The following CTDSPL variants were observed in gnomAD, a reference collection of about 807,000 sequenced individuals.
CTDSPL encodes CTD small phosphatase-like protein.
In CTDSPL, 8 loss-of-function variants were observed where a neutral mutation model predicts 30.5. That is an observed-to-expected ratio of 0.26 (90% CI 0.15 to 0.47). CTDSPL has a LOEUF of 0.47. Ranked by LOEUF, CTDSPL falls within the 20% of genes least tolerant of loss-of-function variation. CTDSPL has a pLI of 0.99. For missense variants in CTDSPL, 248 were observed against 366.1 expected, an observed-to-expected ratio of 0.68 and a Z score of 2.63; for synonymous variants, 110 against 137.9, an observed-to-expected ratio of 0.80 and a Z score of 1.42.
intron 1 of CTDSPL, among the ~76,000 whole-genome samples, chr3:37,890,389 A>G (rs1351996681): frequency 6.6e-6 from 1 of 152,208 alleles, no homozygotes; most frequent in Non-Finnish European, 1.5e-5. Flanking sequence ...GGTGCAAAAG[A>G]GCTAAAATGT....
rs939628598 is a variant in CTDSPL at position 37,862,109 on chromosome 3, C to A, written c.-91C>A. ...CAGGCAGCGGCTGCGAGCGCCCCCC[C>A]GCGCCGCGCCCCCGCGCCCCCCGCG... is the stretch of plus-strand genomic sequence containing the variant. On this transcript the variant is annotated 5_prime_UTR_variant, in exon 1 of 8. Coordinates refer to ENST00000273179, the MANE Select transcript of CTDSPL (RefSeq NM_001008392.2). The surrounding 1 kb of genome is among the most constrained non-coding windows in gnomAD (Gnocchi z 4.3). The A allele has an allele frequency of 4.7e-5, 19 of 401,118 alleles. No homozygotes were observed. The highest frequency in any genetic ancestry group is 6.3e-5 in the Non-Finnish European group (19 of 301,452). The allele number at this position is 401,118 out of a possible 1,614,324, so 24.8% of individuals were successfully genotyped here. A position where few individuals can be genotyped will look rare whatever the true frequency, so the allele number is the denominator to read the frequency against.
intron 1 of CTDSPL, among the ~76,000 whole-genome samples, chr3:37,912,984 T>C (rs1698600434): frequency 6.6e-6 from 1 of 152,206 alleles, no homozygotes; most frequent in South Asian, 2.1e-4. Context: ...CTCAGAGATC[T>C]TAGATAGTTT....
At chr3:37,926,302 G>A (rs1368606213) in intron 1 of CTDSPL, among the ~76,000 whole-genome samples, 1 of 152,222 alleles carries the variant, frequency 6.6e-6, no homozygotes, top group Non-Finnish European at 1.5e-5. Flanking sequence ...GGGAACTGAG[G>A]GCAACAGCTA....
At chr3:37,980,636 C>T in intron 7 of CTDSPL, 106 bp from the exon 8 acceptor site, 6 of 1,408,586 alleles carry the variant, frequency 4.3e-6, no homozygotes, top group South Asian at 1.3e-5. Context: ...TGACACCAGT[C>T]GTCCTTACTA....
Position 37,862,256 on chromosome 3 carries a change from G to T in CTDSPL, c.57G>T (p.Arg19=). The T allele has an allele frequency of 6.7e-7, 1 of 1,495,344 alleles. No homozygotes were observed. Among genetic ancestry groups the T allele is most frequent in the Non-Finnish European group, 8.9e-7 (1 of 1,125,782 alleles). 92.6% of individuals were successfully genotyped at this position (1,495,344 alleles called of 1,614,324 possible). A position where few individuals can be genotyped will look rare whatever the true frequency, so the allele number is the denominator to read the frequency against. The change falls in exon 1 of 8, where the codon CGG becomes CGT. Residue 19 remains arginine (R), a synonymous_variant. Transcript: ENST00000273179. This position sits in a 1 kb window ranked among gnomAD's most constrained non-coding sequence, Gnocchi z 4.3. ...QVTNPKEDEG[R]LPGAGEKASQ... ...CCAACCCCAAGGAGGACGAGGGCCG[G>T]TTGCCGGGCGCGGGCGAGAAAGGTG...
intron 1 of CTDSPL, among the ~76,000 whole-genome samples, chr3:37,895,637 ACTGT>A (rs1698382525): frequency 1.3e-5 from 2 of 152,220 alleles, no homozygotes; most frequent in Non-Finnish European, 2.9e-5. Flanking sequence ...AAATCTGCTT[ACTGT>A]CTATCTTTTT....
chr3:37,963,960 G>A (rs999580659), intron 3 of CTDSPL, among the ~76,000 whole-genome samples: 2 of 147,094 alleles, frequency 1.4e-5, no homozygotes, highest in Non-Finnish European at 3.0e-5. Flanking sequence ...CCTAGTGTTG[G>A]GGGTAACTCT....
At chr3:37,953,525 GACAGTTTCTGACATAACATAT>G (rs1699133899) in intron 2 of CTDSPL, among the ~76,000 whole-genome samples, 1 of 152,168 alleles carries the variant, frequency 6.6e-6, no homozygotes, top group Admixed American at 6.5e-5. Context: ...TACAGTAGGT[GACAGTTTCTGACATAACATAT>G]ACAGATAAAG....
chr3:37,950,904 TG>T (rs1699098949), intron 2 of CTDSPL, among the ~76,000 whole-genome samples: 1 of 152,014 alleles, frequency 6.6e-6, no homozygotes, highest in African/African-American at 2.4e-5. Context: ...TATGAAAAAA[TG>T]TTTATAGGCT....
At chr3:37,946,056 C>A (rs895870554) in intron 1 of CTDSPL, among the ~76,000 whole-genome samples, 4 of 152,206 alleles carry the variant, frequency 2.6e-5, no homozygotes, top group African/African-American at 9.7e-5. Context: ...TGGCAATTTT[C>A]CCATTAATCC....
chr3:37,916,295 G>A (rs931110966), intron 1 of CTDSPL, among the ~76,000 whole-genome samples: 2 of 152,158 alleles, frequency 1.3e-5, no homozygotes, highest in African/African-American at 4.8e-5. Flanking sequence ...GAGTTAGTCC[G>A]AGCTAACATT....
intron 3 of CTDSPL, among the ~76,000 whole-genome samples, chr3:37,963,209 A>T (rs1459809351): frequency 1.3e-5 from 2 of 152,200 alleles, no homozygotes; most frequent in Admixed American, 6.5e-5. Flanking sequence ...GAAAGGAAGA[A>T]ACATGGAGTT....
At chr3:37,970,169 A>G (rs1312075489) in intron 5 of CTDSPL, among the ~76,000 whole-genome samples, 1 of 151,930 alleles carries the variant, frequency 6.6e-6, no homozygotes, top group Admixed American at 6.6e-5. Flanking sequence ...CTCACCCTCT[A>G]CTGTTTCCTC....
At chr3:37,920,561 A>G (rs1439899223) in intron 1 of CTDSPL, among the ~76,000 whole-genome samples, 1 of 152,220 alleles carries the variant, frequency 6.6e-6, no homozygotes, top group East Asian at 1.9e-4. Context: ...AGGCCCTGCC[A>G]GGTGCCCTAA....
intron 2 of CTDSPL, among the ~76,000 whole-genome samples, chr3:37,947,526 C>T (rs1451243219): frequency 6.6e-6 from 1 of 152,120 alleles, no homozygotes; most frequent in Non-Finnish European, 1.5e-5. Flanking sequence ...CGCCATTGCA[C>T]TCTAGCCTGG....
intron 1 of CTDSPL, among the ~76,000 whole-genome samples, chr3:37,922,590 T>G (rs1698730790): frequency 6.6e-6 from 1 of 152,240 alleles, no homozygotes; most frequent in Non-Finnish European, 1.5e-5. Flanking sequence ...TTCCTTACAT[T>G]AGATGCCAGA....
chr3:37,899,216 A>G (rs116407161), intron 1 of CTDSPL, among the ~76,000 whole-genome samples: 4 of 152,342 alleles, frequency 2.6e-5, no homozygotes, highest in Non-Finnish European at 5.9e-5. Context: ...CATATAGATG[A>G]TATTTAAACT....
chr3:37,900,540 G>A (rs1418919887), intron 1 of CTDSPL, among the ~76,000 whole-genome samples: 2 of 152,142 alleles, frequency 1.3e-5, no homozygotes, highest in African/African-American at 4.8e-5. Flanking sequence ...AGGACTTATG[G>A]TTATTAAAGG....
chr3:37,889,623 G>C (rs1423661758), intron 1 of CTDSPL, among the ~76,000 whole-genome samples: 1 of 152,070 alleles, frequency 6.6e-6, no homozygotes, highest in Non-Finnish European at 1.5e-5. Context: ...AGAACTGAAG[G>C]TCAAGACACT....
Sources: allele counts gnomAD v4.1 joint callset (sites outside exome capture counted in the v4.1 genomes callset), GRCh38; gene constraint gnomAD v4.1.1; non-coding constraint Gnocchi (gnomAD v3.1); transcripts MANE v1.5; gene names NCBI Gene and HGNC (gene_info 2026-07-23, HGNC 2026-07-21).